RFTN1: variants seen among roughly 807,000 people sequenced by gnomAD.
RFTN1 encodes raftlin, lipid raft linker 1.
A neutral mutation model predicts 46.5 loss-of-function variants in RFTN1; 26 were observed. The ratio of observed to expected loss-of-function variants is 0.56; its 90% CI spans 0.41 to 0.78. The LOEUF is 0.78. Ranked by LOEUF, RFTN1 falls within the 30% of genes least tolerant of loss-of-function variation. The pLI, the probability that RFTN1 is intolerant of heterozygous loss-of-function variation, is 0.00. For missense variants in RFTN1, 693 were observed against 718.7 expected, an observed-to-expected ratio of 0.96 and a Z score of 0.41; for synonymous variants, 261 against 284.2, an observed-to-expected ratio of 0.92 and a Z score of 0.82.
At chr3:16,319,555 A>C (rs967374496) in intron 9 of RFTN1, among the ~76,000 whole-genome samples, 2 of 152,162 alleles carry the variant, frequency 1.3e-5, no homozygotes, top group African/African-American at 4.8e-5. Context: ...GGACAATTCC[A>C]CCACGTGCTA....
In RFTN1 at chr3:16,382,719, T is replaced by C. The variant is rs1223132511; in HGVS notation, c.442-4617A>G. On this transcript the variant is annotated intron_variant, in intron 4 of 9. Transcript: ENST00000334133. This position sits in a 1 kb window ranked among gnomAD's most constrained non-coding sequence, Gnocchi z 4.7. ...TCTTCCCTGTTTCTAATCCTGTGTGTCTGTTCACCACACCCTACCACATTT... is the reference window on the plus strand; with the variant it reads ...TCTTCCCTGTTTCTAATCCTGTGTGCCTGTTCACCACACCCTACCACATTT... Among the ~76,000 whole-genome samples the C allele has an allele frequency of 1.3e-5, 2 of 152,198 alleles. No individual in the cohort carries two copies. Among genetic ancestry groups the C allele is most frequent in the Non-Finnish European group, 2.9e-5 (2 of 68,032 alleles).
chr3:16,502,958 T>C (rs2076737706), intron 1 of RFTN1, among the ~76,000 whole-genome samples: 1 of 152,240 alleles, frequency 6.6e-6, no homozygotes. Context: ...TGCTCCTATA[T>C]GAGAAGTGGC....
intron 4 of RFTN1, among the ~76,000 whole-genome samples, chr3:16,397,069 G>GAAAAAAAAA (rs11290510): frequency 8.5e-6 from 1 of 117,124 alleles, no homozygotes. Flanking sequence ...GTCTCAAAAT[G>GAAAAAAAAA]AAAAAAAAAA....
intron 2 of RFTN1, among the ~76,000 whole-genome samples, chr3:16,469,959 C>A (rs549415764): frequency 6.6e-6 from 1 of 152,264 alleles, no homozygotes; most frequent in South Asian, 2.1e-4. Flanking sequence ...GAGCTGTGTG[C>A]TCAGAAAGGG....
rs1412460661 is a variant in RFTN1 at position 16,376,811 on chromosome 3, A to C, written c.826+907T>G. Among the ~76,000 whole-genome samples, 1 of 152,232 alleles carries C rather than the reference A, an allele frequency of 6.6e-6. No homozygotes were observed. Among genetic ancestry groups the C allele is most frequent in the Non-Finnish European group, 1.5e-5 (1 of 68,040 alleles). On this transcript the variant is annotated intron_variant, in intron 5 of 9. Coordinates refer to ENST00000334133, the MANE Select transcript of RFTN1 (RefSeq NM_015150.2). The surrounding 1 kb of genome is among the most constrained non-coding windows in gnomAD (Gnocchi z 4.7). ...TCAAGAAGTTCTGATGTAACAAAAGAAACTGTTTCTCCTTGTTTTCCCTTC... is the reference window on the plus strand; with the variant it reads ...TCAAGAAGTTCTGATGTAACAAAAGCAACTGTTTCTCCTTGTTTTCCCTTC...
chr3:16,497,113 C>T (rs1373396878), intron 1 of RFTN1, among the ~76,000 whole-genome samples: 3 of 152,136 alleles, frequency 2.0e-5, no homozygotes, highest in African/African-American at 4.8e-5. Context: ...TTCTAGGGTA[C>T]CAGCTTTGCT....
rs2074211636 is a variant in RFTN1, at chr3:16,387,271, C to G, written c.442-9169G>C. 6.6e-6 allele frequency among the ~76,000 whole-genome samples: 1 copy of G among 152,238 alleles called. No homozygotes were observed. The highest frequency in any genetic ancestry group is 1.5e-5 in the Non-Finnish European group (1 of 68,038). ...CGCCAAGGCTGAGGCCACACGGCCA[C>G]CCTGCAGTGGCTCCCTTCCTCCCTG... On this transcript the variant is annotated intron_variant, in intron 4 of 9. Transcript: ENST00000334133. This position sits in a 1 kb window ranked among gnomAD's most constrained non-coding sequence, Gnocchi z 5.2.
Position 16,480,777 on chromosome 3 carries a change from A to G in RFTN1, c.145+12948T>C, listed in dbSNP as rs531206930. 2.1e-4 allele frequency among the ~76,000 whole-genome samples: 32 copies of G among 152,358 alleles called. No homozygotes were observed. The highest frequency in any genetic ancestry group is 6.3e-4 in the African/African-American group (26 of 41,584). On this transcript the variant is annotated intron_variant, in intron 2 of 9. Transcript: ENST00000334133. This position sits in a 1 kb window ranked among gnomAD's most constrained non-coding sequence, Gnocchi z 4.3. The stretch of plus-strand genomic sequence containing the variant: ...TTGCTAATAATAATTAGTAGGGTGC[A>G]TAGAATATTAACTTGTTTTCTGTTC...
rs1346245198 is a variant in RFTN1 at position 16,466,151 on chromosome 3, C to T, written c.145+27574G>A. On this transcript the variant is annotated intron_variant, in intron 2 of 9. Coordinates refer to ENST00000334133, the MANE Select transcript of RFTN1 (RefSeq NM_015150.2). This position sits in a 1 kb window ranked among gnomAD's most constrained non-coding sequence, Gnocchi z 5.6. Reference sequence around the variant, plus strand: ...GGATACACCATGCACCACAATCTTGCATCTCTCATCACATTCCGTTTTCAG... The same window carrying T: ...GGATACACCATGCACCACAATCTTGTATCTCTCATCACATTCCGTTTTCAG... Among the ~76,000 whole-genome samples, 1 of 152,214 alleles carries T rather than the reference C, an allele frequency of 6.6e-6. No individual in the cohort carries two copies. Among genetic ancestry groups the T allele is most frequent in the Non-Finnish European group, 1.5e-5 (1 of 68,046 alleles).
chr3:16,420,006 C>G lies in RFTN1; in HGVS notation c.333-10523G>C, dbSNP rs1324377825. ...ACTGGGGAGATGTTACCAGGGACAT[C>G]TAACTATCCGACCCTGCTATTTATT... On this transcript the variant is annotated intron_variant, in intron 3 of 9. Transcript: ENST00000334133. Among the ~76,000 whole-genome samples the G allele has an allele frequency of 5.3e-5, 8 of 152,218 alleles. 1 individual carries two copies. In the South Asian group the frequency reaches 1.7e-3, roughly 32 times the overall value.
intron 4 of RFTN1, among the ~76,000 whole-genome samples, chr3:16,408,680 G>A (rs571028007): frequency 3.4e-5 from 5 of 145,480 alleles, no homozygotes; most frequent in African/African-American, 1.3e-4. Flanking sequence ...GCCCAAAGCT[G>A]ACAGCTGACA....
Position 16,384,172 on chromosome 3 carries a change from A to T in RFTN1, c.442-6070T>A, listed in dbSNP as rs938771319. Reference sequence around the variant, plus strand: ...TTCTCCCTGGGTTTTCTCCCCTTCAAACTCAAAGACTGCAACACCAGTCCT... The same window carrying T: ...TTCTCCCTGGGTTTTCTCCCCTTCATACTCAAAGACTGCAACACCAGTCCT... On this transcript the variant is annotated intron_variant, in intron 4 of 9. Transcript: ENST00000334133. This position sits in a 1 kb window ranked among gnomAD's most constrained non-coding sequence, Gnocchi z 4.7. Among the ~76,000 whole-genome samples the T allele has an allele frequency of 6.6e-6, 1 of 152,148 alleles. No homozygotes were observed. Among genetic ancestry groups the T allele is most frequent in the African/African-American group, 2.4e-5 (1 of 41,428 alleles).
At chr3:16,432,902 G>C (rs73816454) in intron 3 of RFTN1, among the ~76,000 whole-genome samples, 1,549 of 152,260 alleles carry the variant, frequency 0.01, 24 homozygotes, top group African/African-American at 0.036. Context: ...AAAGGAAAGA[G>C]GAGTCAGTCT....
At chr3:16,491,999 T>A (rs1336228744) in intron 2 of RFTN1, among the ~76,000 whole-genome samples, 1 of 152,170 alleles carries the variant, frequency 6.6e-6, no homozygotes, top group Non-Finnish European at 1.5e-5. Context: ...TCCAAATAAT[T>A]GTATGTTACA....
intron 2 of RFTN1, among the ~76,000 whole-genome samples, chr3:16,464,677 G>C (rs1301832990): frequency 6.6e-6 from 1 of 152,244 alleles, no homozygotes; most frequent in Non-Finnish European, 1.5e-5. Context: ...CCACTGCCTG[G>C]TTTTGTAAAT....
rs2068380622 is a variant in RFTN1 at position 16,316,261 on chromosome 3, T to C, written c.*567A>G. On this transcript the variant is annotated 3_prime_UTR_variant, in exon 10 of 10. Transcript: ENST00000334133. The surrounding 1 kb of genome is among the most constrained non-coding windows in gnomAD (Gnocchi z 4.5). ...CAGATTACCAGTATCTATAGGACTA[T>C]TTTGAGAAAAGCTGGGAGGCGGAGC... The C allele has an allele frequency of 6.2e-6, 1 of 161,618 alleles. No homozygotes were observed. Among genetic ancestry groups the C allele is most frequent in the Admixed American group, 6.4e-5 (1 of 15,590 alleles). The allele number at this position is 161,618 out of a possible 1,614,324, so 10.0% of individuals were successfully genotyped here. A position where few individuals can be genotyped will look rare whatever the true frequency, so the allele number is the denominator to read the frequency against.
At chr3:16,486,661 C>T (rs950052153) in intron 2 of RFTN1, among the ~76,000 whole-genome samples, 1 of 152,222 alleles carries the variant, frequency 6.6e-6, no homozygotes, top group African/African-American at 2.4e-5. Flanking sequence ...ACACAGACTC[C>T]TCCATCAAGC....
intron 3 of RFTN1, among the ~76,000 whole-genome samples, chr3:16,416,949 A>G (rs1173532856): frequency 6.6e-6 from 1 of 151,756 alleles, no homozygotes; most frequent in Non-Finnish European, 1.5e-5. Context: ...GGCGTTAAGT[A>G]CCTTCACAAT....
chr3:16,490,477 A>C (rs2076522742), intron 2 of RFTN1, among the ~76,000 whole-genome samples: 1 of 152,158 alleles, frequency 6.6e-6, no homozygotes, highest in Non-Finnish European at 1.5e-5. Flanking sequence ...GAAGGGCAAG[A>C]CCAAGCTACA....
Sources: gnomAD v4.1 joint callset for allele counts (sites outside exome capture counted in the v4.1 genomes callset) on GRCh38, gnomAD v4.1.1 for gene constraint, Gnocchi (gnomAD v3.1) non-coding constraint, MANE v1.5 for transcripts, NCBI Gene and HGNC (gene_info 2026-07-23, HGNC 2026-07-21) for gene names.